ADCY9: variants seen among roughly 807,000 people sequenced by gnomAD.
The protein encoded by ADCY9 is adenylate cyclase type 9.
A neutral mutation model predicts 101.5 loss-of-function variants in ADCY9; 50 were observed. The observed-to-expected ratio is 0.49, with a 90% CI of 0.39 to 0.62. ADCY9 has a LOEUF of 0.62. Among genes scored for constraint, ADCY9 ranks in the 20% least tolerant of loss-of-function variants. The probability of loss-of-function intolerance (pLI) is 0.00; values close to 1 mark genes in which losing one functional copy is unlikely to be tolerated. For synonymous variants in ADCY9, 905 were observed against 769.3 expected (o/e 1.18, Z -2.92); for missense variants, 1,662 against 1,800.4 (o/e 0.92, Z 1.39).
At chr16:4,060,123 G>A (rs1418322873) in intron 2 of ADCY9, among the ~76,000 whole-genome samples, 1 of 152,110 alleles carries the variant, frequency 6.6e-6, no homozygotes, top group Non-Finnish European at 1.5e-5. Flanking sequence ...CATAAACCAC[G>A]GTGATTTCCT....
At position 3,962,905 on chromosome 16, in the gene ADCY9, G is replaced by A. The variant is rs1054993044; in HGVS notation, c.*2870C>T. Reference sequence around the variant, plus strand: ...GAAACTACAAATGATTACAGCCCATGTGACAGGAAGCACGCGGCCTTCGGC... The same window carrying A: ...GAAACTACAAATGATTACAGCCCATATGACAGGAAGCACGCGGCCTTCGGC... On this transcript the variant is annotated 3_prime_UTR_variant, in exon 11 of 11. Transcript: ENST00000294016. 1 of 152,430 alleles carries A rather than the reference G, an allele frequency of 6.6e-6. No homozygotes were observed. The highest frequency in any genetic ancestry group is 2.1e-4 in the South Asian group (1 of 4,830). The allele number at this position is 152,430 out of a possible 1,614,324, so 9.4% of individuals were successfully genotyped here. A position where few individuals can be genotyped will look rare whatever the true frequency, so the allele number is the denominator to read the frequency against.
In ADCY9 at chr16:3,992,516, C is replaced by T. The variant is rs559480557; in HGVS notation, c.1990-153G>A. On this transcript the variant is annotated intron_variant, in intron 4 of 10. Coordinates refer to ENST00000294016, the MANE Select transcript of ADCY9 (RefSeq NM_001116.4). This position sits in a 1 kb window ranked among gnomAD's most constrained non-coding sequence, Gnocchi z 4.2. ...GCGAGGAACCCCCACCCCCCTGCGC[C>T]TACAGACCTGCTCCAATCCCAGCCC... 6.6e-6 allele frequency among the ~76,000 whole-genome samples: 1 copy of T among 152,316 alleles called. No homozygotes were observed. Among genetic ancestry groups the T allele is most frequent in the East Asian group, 1.9e-4 (1 of 5,174 alleles).
intron 2 of ADCY9, among the ~76,000 whole-genome samples, chr16:4,039,095 C>T (rs1450411481): frequency 6.6e-6 from 1 of 152,152 alleles, no homozygotes; most frequent in Non-Finnish European, 1.5e-5. Flanking sequence ...TTAACCCGCA[C>T]CAGTCTGTGA....
intron 9 of ADCY9, among the ~76,000 whole-genome samples, chr16:3,976,726 C>G (rs2056095355): frequency 6.6e-6 from 1 of 152,226 alleles, no homozygotes; most frequent in African/African-American, 2.4e-5. Context: ...GGCACAATCT[C>G]AGCTCACTGC....
chr16:4,029,631 C>T (rs547896992), intron 2 of ADCY9, among the ~76,000 whole-genome samples: 43 of 152,278 alleles, frequency 2.8e-4, no homozygotes, highest in African/African-American at 1.0e-3. Context: ...CCTGTAATCC[C>T]AGCTACTGGG....
At chr16:3,990,661 C>G (rs1047901001) in intron 5 of ADCY9, among the ~76,000 whole-genome samples, 1 of 152,182 alleles carries the variant, frequency 6.6e-6, no homozygotes, top group Admixed American at 6.5e-5. Context: ...AGGACACTGA[C>G]CCTCTCTCCT....
intron 2 of ADCY9, among the ~76,000 whole-genome samples, chr16:4,091,820 G>A (rs142503869): frequency 1.3e-5 from 2 of 152,346 alleles, no homozygotes; most frequent in South Asian, 4.1e-4. Flanking sequence ...GAGCTGGGAA[G>A]TGGCTGCTTA....
intron 10 of ADCY9, among the ~76,000 whole-genome samples, chr16:3,971,833 C>T (rs562109973): frequency 1.4e-4 from 21 of 152,192 alleles, no homozygotes; most frequent in African/African-American, 4.8e-4. Context: ...GAGACTGTAT[C>T]TGGGCTTCTC....
chr16:4,114,538 G>C lies in ADCY9; in HGVS notation c.905C>G (p.Ser302Cys), dbSNP rs751199997. Reference protein sequence around the residue: ...HAIGVHLFVMSQVRSRSTFLK... With the variant: ...HAIGVHLFVMCQVRSRSTFLK... The stretch of plus-strand genomic sequence containing the variant: ...GAAGGTGCTCCTGGACCTCACCTGG[G>C]ACATGACGAACAGGTGGACCCCGAT... Residue 302 changes from serine (S) to cysteine (C), a missense_variant, in exon 2 of 11, where the codon TCC (serine) becomes TGC (cysteine). Physicochemically the swap from Ser to Cys is moderately radical, Grantham distance 112 (BLOSUM62 -1). Around this residue, in one of 5 missense-constraint regions of ADCY9, gnomAD observed 228 missense variants for 301.1 expected, o/e 0.76. Coordinates refer to ENST00000294016, the MANE Select transcript of ADCY9 (RefSeq NM_001116.4). The surrounding 1 kb of genome is among the most constrained non-coding windows in gnomAD (Gnocchi z 4.3). The C allele has an allele frequency of 1.2e-6, 2 of 1,614,066 alleles. No individual in the cohort carries two copies. The highest frequency in any genetic ancestry group is 1.1e-5 in the South Asian group (1 of 91,088).
At chr16:4,087,113 C>T (rs532392132) in intron 2 of ADCY9, among the ~76,000 whole-genome samples, 6 of 152,180 alleles carry the variant, frequency 3.9e-5, no homozygotes, top group African/African-American at 1.4e-4. Flanking sequence ...AATGTGAAAT[C>T]CACTCTGGCT....
At chr16:4,039,679 CAAAAA>C (rs35158886) in intron 2 of ADCY9, among the ~76,000 whole-genome samples, 1 of 64,650 alleles carries the variant, frequency 1.5e-5, no homozygotes, top group Non-Finnish European at 3.3e-5. Context: ...AACTCTGTCT[CAAAAA>C]AAAAAAAAAA....
chr16:3,994,336 G>T (rs1434164641), intron 3 of ADCY9, among the ~76,000 whole-genome samples: 1 of 152,156 alleles, frequency 6.6e-6, no homozygotes, highest in South Asian at 2.1e-4. Flanking sequence ...CTGGTTTGTG[G>T]TATTTCAACA....
chr16:4,035,727 G>A (rs1318241884), intron 2 of ADCY9, among the ~76,000 whole-genome samples: 5 of 151,940 alleles, frequency 3.3e-5, no homozygotes, highest in East Asian at 3.9e-4. Flanking sequence ...GGCCGGGCAC[G>A]GTGGCTCACA....
At position 3,966,805 on chromosome 16, in the gene ADCY9, T is replaced by G; in HGVS notation, c.3032A>C (p.Asp1011Ala). ...EVSYRLHYHG[D>A]VEADLHRTKI... ...GGTGCGGTGAAGATCCGCTTCCACG[T>G]CTCCGTGGTAGTGGAGGCGGTAGCT... Residue 1011 changes from aspartate (D) to alanine (A), a missense_variant, in exon 11 of 11, where the codon GAC becomes GCC. Physicochemically the swap from Asp to Ala is moderately radical, Grantham distance 126. This residue lies in a region of ADCY9 where 624 missense variants were observed against 639.1 expected (regional missense o/e 0.98). Coordinates refer to ENST00000294016, the MANE Select transcript of ADCY9 (RefSeq NM_001116.4). 1 of 1,614,138 alleles carries G rather than the reference T, an allele frequency of 6.2e-7. No individual in the cohort carries two copies. The highest frequency in any genetic ancestry group is 8.5e-7 in the Non-Finnish European group (1 of 1,180,010).
At chr16:3,988,453 G>GTTCCCTTCCAGGGCAGGTGGGGGGA (rs2056214015) in intron 6 of ADCY9, among the ~76,000 whole-genome samples, 1 of 92,684 alleles carries the variant, frequency 1.1e-5, no homozygotes, top group Admixed American at 1.2e-4. Context: ...CAGGTGGGGG[G>GTTCCCTTCCAGGGCAGGTGGGGGGA]TTCCCTTCCA....
At chr16:4,030,611 G>A (rs2056549057) in intron 2 of ADCY9, among the ~76,000 whole-genome samples, 1 of 152,042 alleles carries the variant, frequency 6.6e-6, no homozygotes, top group Non-Finnish European at 1.5e-5. Context: ...GCTGAGGCAG[G>A]AGAATCACTT....
intron 2 of ADCY9, among the ~76,000 whole-genome samples, chr16:4,076,458 A>C (rs1384779843): frequency 6.6e-6 from 1 of 152,240 alleles, no homozygotes; most frequent in Non-Finnish European, 1.5e-5. Context: ...CCATCAGCTT[A>C]CATAACCTAA....
At chr16:4,074,716 CAA>C (rs55742993) in intron 2 of ADCY9, among the ~76,000 whole-genome samples, 18 of 100,360 alleles carry the variant, frequency 1.8e-4, no homozygotes, top group Non-Finnish European at 2.5e-4. Context: ...TACCCAGTGG[CAA>C]AAAAAAAAAA....
rs114260949 is a variant in ADCY9 at position 4,049,824 on chromosome 16, T to C, written c.1694-42266A>G. Among the ~76,000 whole-genome samples the C allele has an allele frequency of 4.9e-3, 744 of 152,308 alleles. 4 individuals carry two copies. Among genetic ancestry groups the C allele is most frequent in the African/African-American group, 0.016 (671 of 41,578 alleles). On this transcript the variant is annotated intron_variant, in intron 2 of 10. Transcript: ENST00000294016. ...TGTTTAGGCTACTGCTATAAAGAAC[T>C]ATCCACCAGCCTGGGCAACAAGGTA...
Sources: allele counts gnomAD v4.1 joint callset (sites outside exome capture counted in the v4.1 genomes callset), GRCh38; gene constraint gnomAD v4.1.1; regional missense constraint gnomAD v4.1.1; non-coding constraint Gnocchi (gnomAD v3.1); transcripts MANE v1.5; gene names NCBI Gene and HGNC (gene_info 2026-07-23, HGNC 2026-07-21).